The following LRRIQ1 variants were observed in gnomAD, a reference collection of about 807,000 sequenced individuals.
LRRIQ1 encodes leucine rich repeats and IQ motif containing 1.
LRRIQ1 carries 210 observed loss-of-function variants against 211.9 expected under a neutral mutation model. That is an observed-to-expected ratio of 0.99 (90% CI 0.89 to 1.11). LRRIQ1 has a LOEUF of 1.11. Among genes scored for constraint, LRRIQ1 ranks in the 50% most tolerant of loss-of-function variants. The pLI, the probability that LRRIQ1 is intolerant of heterozygous loss-of-function variation, is 0.00. For missense variants in LRRIQ1, 2,136 were observed against 1,939.5 expected (o/e 1.10, Z -1.90); for synonymous variants, 699 against 650.1 (o/e 1.08, Z -1.14).
intron 23 of LRRIQ1, among the ~76,000 whole-genome samples, chr12:85,155,751 G>C (rs557090893): frequency 6.6e-6 from 1 of 151,774 alleles, no homozygotes; most frequent in South Asian, 2.1e-4. Flanking sequence ...GAAAAGCTTA[G>C]CTTGTCAGAC....
At chr12:85,200,118 A>G (rs1169796092) in intron 24 of LRRIQ1, among the ~76,000 whole-genome samples, 1 of 152,146 alleles carries the variant, frequency 6.6e-6, no homozygotes, top group East Asian at 1.9e-4. Flanking sequence ...ATGTTTTTCC[A>G]TTTGTTTGTG....
intron 11 of LRRIQ1, among the ~76,000 whole-genome samples, chr12:85,095,998 G>T (rs2136258962): frequency 6.6e-6 from 1 of 152,080 alleles, no homozygotes; most frequent in African/African-American, 2.4e-5. Flanking sequence ...CTGTGGGATT[G>T]GTTGTAGTAC....
chr12:85,145,273 A>G (rs1889811493), intron 19 of LRRIQ1, among the ~76,000 whole-genome samples: 2 of 151,562 alleles, frequency 1.3e-5, no homozygotes, highest in Admixed American at 1.3e-4. Context: ...TTATAAGAGG[A>G]GTAAATATAA....
Position 85,160,662 on chromosome 12 carries a change from T to A in LRRIQ1, c.4770T>A (p.Ser1590=). The stretch of plus-strand genomic sequence containing the variant: ...TCAAAAACAATGAAAATAAAGTGTC[T>A]CTTCCAAAATCACCAAAGATGGTAC... ...ALFKNNENKV[S]LPKSPKMVQP... is the part of the protein sequence containing the mutation. The change falls in exon 24 of 27, where the codon TCT becomes TCA. Residue 1590 remains serine (S), a synonymous_variant. Coordinates refer to ENST00000393217, the MANE Select transcript of LRRIQ1 (RefSeq NM_001079910.2). The A allele has an allele frequency of 6.2e-7, 1 of 1,611,148 alleles. No individual in the cohort carries two copies. Among genetic ancestry groups the A allele is most frequent in the Non-Finnish European group, 8.5e-7 (1 of 1,177,996 alleles).
At chr12:85,081,120 A>G (rs1223075036) in intron 11 of LRRIQ1, among the ~76,000 whole-genome samples, 1 of 152,086 alleles carries the variant, frequency 6.6e-6, no homozygotes, top group Non-Finnish European at 1.5e-5. Context: ...AACCAAAAGT[A>G]AGGTAGGGGT....
chr12:85,239,951 C>T (rs1001162454), intron 26 of LRRIQ1, among the ~76,000 whole-genome samples: 2 of 152,012 alleles, frequency 1.3e-5, no homozygotes, highest in African/African-American at 4.8e-5. Context: ...GCACTGCAGC[C>T]TGGGCAACAG....
rs60551090 is a variant in LRRIQ1 at position 85,143,632 on chromosome 12, A to G, written c.4329+5663A>G. 1.4e-3 allele frequency among the ~76,000 whole-genome samples: 216 copies of G among 151,690 alleles called. 2 individuals are homozygous for G. Among genetic ancestry groups the G allele is most frequent in the African/African-American group, 5.2e-3 (214 of 41,470 alleles). On this transcript the variant is annotated intron_variant, in intron 19 of 26. Transcript: ENST00000393217. Reference sequence around the variant, plus strand: ...TTAATCATGCTCCCTACTTTAACTCATGATGTTTTTAGCCTATTATATTCT... The same window carrying G: ...TTAATCATGCTCCCTACTTTAACTCGTGATGTTTTTAGCCTATTATATTCT...
At chr12:85,176,871 G>A (rs1891734405) in intron 24 of LRRIQ1, among the ~76,000 whole-genome samples, 1 of 151,942 alleles carries the variant, frequency 6.6e-6, no homozygotes, top group South Asian at 2.1e-4. Context: ...TGCCTAAAAT[G>A]GTTTTTGGCC....
At chr12:85,234,664 T>G (rs899396921) in intron 26 of LRRIQ1, among the ~76,000 whole-genome samples, 6 of 152,020 alleles carry the variant, frequency 3.9e-5, no homozygotes. Flanking sequence ...ACACAATCGG[T>G]ACAAGGCTAT....
chr12:85,214,867 C>T, intron 24 of LRRIQ1, among the ~76,000 whole-genome samples: 1 of 151,726 alleles, frequency 6.6e-6, no homozygotes. Context: ...AGTTAAGAAC[C>T]CACATACATC....
At chr12:85,252,071 G>A (rs1370476707) in intron 1 of LRRIQ1, among the ~76,000 whole-genome samples, 1 of 151,748 alleles carries the variant, frequency 6.6e-6, no homozygotes, top group Non-Finnish European at 1.5e-5. Flanking sequence ...TTCTTTAAAT[G>A]ATTTTAAAGT....
intron 1 of LRRIQ1, among the ~76,000 whole-genome samples, chr12:85,262,587 A>G (rs977672674): frequency 3.9e-5 from 6 of 152,040 alleles, no homozygotes; most frequent in African/African-American, 1.4e-4. Context: ...ATATAAACAA[A>G]TATAAGTACC....
chr12:85,246,671 A>G (rs192582781), downstream of LRRIQ1, among the ~76,000 whole-genome samples: 33 of 151,636 alleles, frequency 2.2e-4, no homozygotes, highest in Admixed American at 2.0e-3. Flanking sequence ...GAAATAATGC[A>G]ATTCTCACTG....
intron 26 of LRRIQ1, among the ~76,000 whole-genome samples, chr12:85,234,226 G>T (rs186551986): frequency 6.7e-4 from 102 of 152,178 alleles, no homozygotes; most frequent in African/African-American, 2.2e-3. Context: ...GTCAGAGTGA[G>T]ACTCTCTTTC....
intron 1 of LRRIQ1, among the ~76,000 whole-genome samples, chr12:85,257,047 T>TATATAATTATATAA (rs1491331784): frequency 1.6e-4 from 17 of 108,636 alleles, no homozygotes; most frequent in African/African-American, 7.1e-4. Flanking sequence ...ATTATATAAT[T>TATATAATTATATAA]ATATATATAA....
At chr12:85,054,317 G>A (rs1392593132) in intron 7 of LRRIQ1, among the ~76,000 whole-genome samples, 1 of 152,086 alleles carries the variant, frequency 6.6e-6, no homozygotes, top group South Asian at 2.1e-4. Flanking sequence ...AAATAGTGTT[G>A]GAAGCATCCA....
chr12:85,153,213 T>TGGTATGGGC, intron 21 of LRRIQ1, 68 bp downstream of exon 21: 2 of 1,345,268 alleles, frequency 1.5e-6, no homozygotes, highest in Non-Finnish European at 2.0e-6. Context: ...CATACAAAAG[T>TGGTATGGGC]AGTACAATTA....
chr12:85,096,070 G>A (rs988862518), intron 11 of LRRIQ1, among the ~76,000 whole-genome samples: 11 of 151,998 alleles, frequency 7.2e-5, no homozygotes, highest in African/African-American at 2.2e-4. Context: ...TGTTAATCTA[G>A]CTAGTAGTCT....
intron 13 of LRRIQ1, among the ~76,000 whole-genome samples, chr12:85,101,374 A>G (rs2136293743): frequency 6.6e-6 from 1 of 151,652 alleles, no homozygotes; most frequent in South Asian, 2.1e-4. Context: ...TAACTGGATG[A>G]CTCTCTGGCT....
Sources: allele counts gnomAD v4.1 joint callset (sites outside exome capture counted in the v4.1 genomes callset), GRCh38; gene constraint gnomAD v4.1.1; transcripts MANE v1.5; gene names NCBI Gene and HGNC (gene_info 2026-07-23, HGNC 2026-07-21).